Variants in MGA observed in about 807,000 individuals in gnomAD.
MGA encodes MAX gene-associated protein.
MGA carries 40 observed loss-of-function variants against 261.1 expected under a neutral mutation model. That is an observed-to-expected ratio of 0.15 (90% CI 0.12 to 0.20). The LOEUF is 0.20. Among genes scored for constraint, MGA ranks in the 10% least tolerant of loss-of-function variants. MGA has a pLI of 1.00. For missense variants in MGA, 3,397 were observed against 3,630.5 expected (o/e 0.94, Z 1.65); for synonymous variants, 1,302 against 1,290.6 (o/e 1.01, Z -0.19).
intron 1 of MGA, among the ~76,000 whole-genome samples, chr15:41,633,626 T>C (rs1652420127): frequency 6.6e-6 from 1 of 152,156 alleles, no homozygotes; most frequent in African/African-American, 2.4e-5. Flanking sequence ...TTTTGCCATG[T>C]TGCCCAGGCT....
chr15:41,762,468 T>G lies in MGA; in HGVS notation c.7744+106T>G, dbSNP rs199797712. Reference sequence around the variant, plus strand: ...CATTTTTAGTTTTGTGTGGTTTTTTTTTTTTTTTTTTTTTTTTTTTTTTGG... The same window carrying G: ...CATTTTTAGTTTTGTGTGGTTTTTTGTTTTTTTTTTTTTTTTTTTTTTTGG... On this transcript the variant is annotated intron_variant, in intron 22 of 23. Transcript: ENST00000219905. 137 of 577,646 alleles carry G rather than the reference T, an allele frequency of 2.4e-4. 1 individual carries two copies. The East Asian group carries it at 3.9e-3, about 16-fold the overall frequency. 35.8% of individuals were successfully genotyped at this position (577,646 alleles called of 1,614,324 possible). A position where few individuals can be genotyped will look rare whatever the true frequency, so the allele number is the denominator to read the frequency against.
At chr15:41,624,286 C>T (rs754928285) in intron 1 of MGA, among the ~76,000 whole-genome samples, 5 of 150,190 alleles carry the variant, frequency 3.3e-5, no homozygotes, top group East Asian at 2.0e-4. Flanking sequence ...CCTGCTCTGT[C>T]GCCCAGGCTG....
chr15:41,644,669 A>C (rs1053579132), intron 1 of MGA, among the ~76,000 whole-genome samples: 1 of 152,196 alleles, frequency 6.6e-6, no homozygotes, highest in African/African-American at 2.4e-5. Flanking sequence ...AAAGAGGAAA[A>C]GAAAAAATAT....
rs1188544730 is a variant in MGA, at chr15:41,736,450, A to G, written c.4186A>G (p.Lys1396Glu). ...CCCTCCTGTTTATTCTTCTCGTGTG[A>G]AAATCTCTATGCCATCATGTCAAGA... The change falls in exon 13 of 24, where the codon AAA becomes GAA. Residue 1396 changes from lysine to glutamate, a missense_variant. Physicochemically the swap from Lys to Glu is moderately conservative, Grantham distance 56. This residue lies in a region of MGA where 1,410 missense variants were observed against 1,386.4 expected (regional missense o/e 1.02). Coordinates refer to ENST00000219905, the MANE Select transcript of MGA (RefSeq NM_001164273.2). 2 of 1,614,048 alleles carry G rather than the reference A, an allele frequency of 1.2e-6. No homozygotes were observed. Among genetic ancestry groups the G allele is most frequent in the Non-Finnish European group, 8.5e-7 (1 of 1,179,890 alleles).
Position 41,727,282 on chromosome 15 carries a change from C to T in MGA, c.3533C>T (p.Ser1178Phe). 1 of 1,613,978 alleles carries T rather than the reference C, an allele frequency of 6.2e-7. No individual in the cohort carries two copies. The highest frequency in any genetic ancestry group is 8.5e-7 in the Non-Finnish European group (1 of 1,179,896). Residue 1178 changes from serine (S) to phenylalanine (F), a missense_variant, in exon 10 of 24, where the codon TCT becomes TTT. Around this residue, in one of 9 missense-constraint regions of MGA, gnomAD observed 519 missense variants for 554.1 expected, o/e 0.94. Coordinates refer to ENST00000219905, the MANE Select transcript of MGA (RefSeq NM_001164273.2). ...GAACCAGTTTATATCCCCACGCCTT[C>T]TGTCATTGAGCCTATGAAACCATTG...
intron 11 of MGA, among the ~76,000 whole-genome samples, chr15:41,733,237 G>A (rs546217842): frequency 3.5e-4 from 53 of 152,190 alleles, no homozygotes; most frequent in African/African-American, 1.2e-3. Context: ...GATTACAGGC[G>A]TGAGCCACAA....
chr15:41,697,145 G>A, intron 3 of MGA, 122 bp downstream of exon 3: 3 of 810,488 alleles, frequency 3.7e-6, no homozygotes, highest in Non-Finnish European at 5.5e-6. Flanking sequence ...GGTGTATGGG[G>A]GGTGGAGTTG....
chr15:41,641,051 T>C (rs1162873215), intron 1 of MGA, among the ~76,000 whole-genome samples: 1 of 152,230 alleles, frequency 6.6e-6, no homozygotes, highest in Non-Finnish European at 1.5e-5. Flanking sequence ...CTCTATGGAT[T>C]GATCTGTTTT....
chr15:41,706,414 G>C (rs1170860001), intron 5 of MGA, among the ~76,000 whole-genome samples: 1 of 150,992 alleles, frequency 6.6e-6, no homozygotes, highest in African/African-American at 2.4e-5. Flanking sequence ...TGCCTGGCTT[G>C]CCATCTTTTG....
intron 19 of MGA, among the ~76,000 whole-genome samples, chr15:41,758,946 C>A (rs1027963773): frequency 1.7e-4 from 26 of 152,172 alleles, no homozygotes; most frequent in African/African-American, 6.3e-4. Flanking sequence ...AATGTTGATG[C>A]TTTTTTAACG....
intron 5 of MGA, 21 bp from the exon 6 acceptor site, chr15:41,707,707 T>C (rs1316341434): frequency 1.9e-6 from 3 of 1,583,714 alleles, no homozygotes; most frequent in Admixed American, 1.8e-5. Flanking sequence ...TATGGAAATA[T>C]GATTTCCTTT....
In MGA at chr15:41,720,797, C is replaced by A. The variant is rs148073271; in HGVS notation, c.3431-6383C>A. Among the ~76,000 whole-genome samples the A allele has an allele frequency of 2.2e-3, 337 of 152,154 alleles. 1 individual carries two copies. Among genetic ancestry groups the A allele is most frequent in the African/African-American group, 7.6e-3 (317 of 41,500 alleles). ...GCAGTGAGCCGAGATTGCACTGTTG[C>A]ACTGGACGACAAAGTGAGACTCTGT... On this transcript the variant is annotated intron_variant, in intron 9 of 23. Coordinates refer to ENST00000219905, the MANE Select transcript of MGA (RefSeq NM_001164273.2).
intron 1 of MGA, among the ~76,000 whole-genome samples, chr15:41,664,536 T>TA (rs2057614778): frequency 6.6e-6 from 1 of 152,206 alleles, no homozygotes; most frequent in African/African-American, 2.4e-5. Flanking sequence ...AGGTTTGGGA[T>TA]AACTAGATTT....
At position 41,727,398 on chromosome 15, in the gene MGA, A is replaced by C. The variant is rs769336913; in HGVS notation, c.3649A>C (p.Asn1217His). 16 of 1,611,964 alleles carry C rather than the reference A, an allele frequency of 9.9e-6. 1 individual carries two copies. The South Asian group carries it at 1.8e-4, about 18-fold the overall frequency. The change falls in exon 10 of 24, where the codon AAT becomes CAT. Residue 1217 changes from asparagine to histidine, a missense_variant. Asn to His is a moderately conservative substitution (Grantham distance 68, BLOSUM62 1). This residue lies in a region of MGA where 519 missense variants were observed against 554.1 expected (regional missense o/e 0.94). Coordinates refer to ENST00000219905, the MANE Select transcript of MGA (RefSeq NM_001164273.2). ...TCCACGGTCATATACTCCCAAACCC[A>C]ATCCTGTGGTAAGTCTGGAATTTAA... is the stretch of plus-strand genomic sequence containing the variant.
At position 41,748,701 on chromosome 15, in the gene MGA, A is replaced by G. The variant is rs771637360; in HGVS notation, c.5277A>G (p.Gly1759=). The G allele has an allele frequency of 6.2e-6, 10 of 1,613,842 alleles. No homozygotes were observed. In the Admixed American group the frequency reaches 1.0e-4, roughly 16 times the overall value. Residue 1759 remains glycine (G), a synonymous_variant, in exon 16 of 24, where the codon GGA becomes GGG. Coordinates refer to ENST00000219905, the MANE Select transcript of MGA (RefSeq NM_001164273.2). ...CTCCTAACACAGTGAAACGTGCTGG[A>G]CCTCGATTGTTGTTGATTCCAGTGC...
chr15:41,762,368 A>G lies in MGA; in HGVS notation c.7744+6A>G, dbSNP rs747127719. 1.9e-6 allele frequency: 3 copies of G among 1,598,704 alleles called. No individual in the cohort carries two copies. In the Admixed American group the frequency reaches 5.1e-5, roughly 27 times the overall value. On this transcript the variant is annotated splice_donor_region_variant and intron_variant, in intron 22 of 23. Transcript: ENST00000219905. ...AAAAAAAGACCAGGCCACAGGTAGG[A>G]GGGACATTCTTCGCTTTCCTTAATG... is the stretch of plus-strand genomic sequence containing the variant.
rs368302550 is a variant in MGA, at chr15:41,754,551, C to G, written c.7123C>G (p.Gln2375Glu). 1.3e-6 allele frequency: 2 copies of G among 1,581,758 alleles called. No individual in the cohort carries two copies. The highest frequency in any genetic ancestry group is 2.3e-5 in the East Asian group (1 of 44,368). The change falls in exon 18 of 24, where the codon CAG becomes GAG. Residue 2375 changes from glutamine (Q) to glutamate (E), a missense_variant. By Grantham distance (29) the Gln-to-Glu change is conservative (BLOSUM62 2). Around this residue, in one of 9 missense-constraint regions of MGA, gnomAD observed 1,410 missense variants for 1,386.4 expected, o/e 1.02. Coordinates refer to ENST00000219905, the MANE Select transcript of MGA (RefSeq NM_001164273.2). The stretch of plus-strand genomic sequence containing the variant: ...CCTGAAGACCACAGCGGCCCACACA[C>G]AGTCATTCAAACAGCCGTAAGTCTT...
At chr15:41,704,854 C>T (rs566300911) in intron 5 of MGA, among the ~76,000 whole-genome samples, 2 of 152,026 alleles carry the variant, frequency 1.3e-5, no homozygotes, top group South Asian at 4.2e-4. Context: ...TCTGTCTTTG[C>T]TTGAATCTAA....
chr15:41,669,468 A>G lies in MGA; in HGVS notation c.574A>G (p.Ile192Val). 1.2e-6 allele frequency: 2 copies of G among 1,613,992 alleles called. No homozygotes were observed. The highest frequency in any genetic ancestry group is 1.7e-6 in the Non-Finnish European group (2 of 1,179,858). Residue 192 changes from isoleucine to valine, a missense_variant, in exon 2 of 24, where the codon ATC becomes GTC. Ile to Val is a conservative substitution (Grantham distance 29, BLOSUM62 3). Around this residue, in one of 9 missense-constraint regions of MGA, gnomAD observed 104 missense variants for 212.9 expected, o/e 0.49. Coordinates refer to ENST00000219905, the MANE Select transcript of MGA (RefSeq NM_001164273.2). ...CAATACACTGGACCAAGAAGGGCAT[A>G]TCATCTTGCACTCTATGCATCGTTA...
Sources: allele counts gnomAD v4.1 joint callset (sites outside exome capture counted in the v4.1 genomes callset), GRCh38; gene constraint gnomAD v4.1.1; regional missense constraint gnomAD v4.1.1; transcripts MANE v1.5; gene names NCBI Gene and HGNC (gene_info 2026-07-23, HGNC 2026-07-21).